The following REV3L variants were observed in gnomAD, a reference collection of about 807,000 sequenced individuals.
The protein encoded by REV3L is REV3 like, DNA directed polymerase zeta catalytic subunit.
A neutral mutation model predicts 299.4 loss-of-function variants in REV3L; 69 were observed. The observed-to-expected ratio is 0.23, with a 90% CI of 0.19 to 0.28. The LOEUF (loss-of-function observed/expected upper bound fraction) is 0.28, where lower values mean the gene tolerates loss of function less well. Ranked by LOEUF, REV3L falls within the 10% of genes least tolerant of loss-of-function variation. The pLI, the probability that REV3L is intolerant of heterozygous loss-of-function variation, is 1.00. For missense variants in REV3L, 3,128 were observed against 3,693.8 expected, an observed-to-expected ratio of 0.85 and a Z score of 3.97; for synonymous variants, 1,238 against 1,271.4, an observed-to-expected ratio of 0.97 and a Z score of 0.56.
chr6:111,420,409 TA>T (rs1333975925), intron 1 of REV3L, among the ~76,000 whole-genome samples: 1 of 152,168 alleles, frequency 6.6e-6, no homozygotes, highest in East Asian at 1.9e-4. Context: ...TTCAAGTATA[TA>T]ATACATTATC....
intron 21 of REV3L, among the ~76,000 whole-genome samples, chr6:111,336,431 T>C (rs1485400669): frequency 2.6e-5 from 4 of 152,124 alleles, no homozygotes; most frequent in Non-Finnish European, 4.4e-5. Context: ...TAAAGACCTT[T>C]TCCTCAGACA....
chr6:111,346,457 T>C (rs1411937354), intron 20 of REV3L, among the ~76,000 whole-genome samples: 1 of 152,216 alleles, frequency 6.6e-6, no homozygotes, highest in Non-Finnish European at 1.5e-5. Flanking sequence ...ATCTAGTACT[T>C]GTATATTAAA....
At position 111,468,758 on chromosome 6, in the gene REV3L, T is replaced by A. The variant is rs545463207; in HGVS notation, c.139+13992A>T. Among the ~76,000 whole-genome samples the A allele has an allele frequency of 3.3e-5, 5 of 152,302 alleles. No individual in the cohort carries two copies. The East Asian group carries it at 9.6e-4, about 29-fold the overall frequency. ...TAAAAATGTAGCATGTAAGATAATA[T>A]TTAGCCTGGTGTGGGCTGTTGGTCA... On this transcript the variant is annotated intron_variant, in intron 1 of 31. Coordinates refer to ENST00000368802, the MANE Select transcript of REV3L (RefSeq NM_001372078.1).
chr6:111,322,433 A>G, intron 26 of REV3L, 136 bp downstream of exon 26: 1 of 671,576 alleles, frequency 1.5e-6, no homozygotes, highest in African/African-American at 1.8e-5. Flanking sequence ...GTTAACTCTG[A>G]TCATGAGATC....
chr6:111,472,814 C>T (rs1792401696), intron 1 of REV3L, among the ~76,000 whole-genome samples: 1 of 152,094 alleles, frequency 6.6e-6, no homozygotes, highest in Admixed American at 6.5e-5. Context: ...AACACACACA[C>T]ACACCAAACA....
In REV3L at chr6:111,363,844, C is replaced by G. The variant is rs148917965; in HGVS notation, c.6879+9G>C. The G allele has an allele frequency of 6.2e-7, 1 of 1,611,696 alleles. No individual in the cohort carries two copies. The highest frequency in any genetic ancestry group is 1.7e-5 in the Admixed American group (1 of 59,792). ...CACAATGTATGTGTCCTTACTGTTG[C>G]AGTTTTACCTCATGTAAAGCTTTTG... On this transcript the variant is annotated intron_variant, in intron 16 of 31. Coordinates refer to ENST00000368802, the MANE Select transcript of REV3L (RefSeq NM_001372078.1).
intron 4 of REV3L, among the ~76,000 whole-genome samples, chr6:111,394,063 G>C (rs1782219206): frequency 6.6e-6 from 1 of 152,070 alleles, no homozygotes. Context: ...TCCGCATCTT[G>C]GCTATTATAA....
chr6:111,301,026 T>C (rs1771449544), intron 31 of REV3L, among the ~76,000 whole-genome samples: 2 of 152,210 alleles, frequency 1.3e-5, no homozygotes, highest in African/African-American at 4.8e-5. Context: ...CTGAATTCTT[T>C]TCTCAGCAAG....
chr6:111,362,595 T>C lies in REV3L; in HGVS notation c.6879+1258A>G, dbSNP rs1461412449. Among the ~76,000 whole-genome samples the C allele has an allele frequency of 2.0e-5, 3 of 152,130 alleles. No individual in the cohort carries two copies. In the East Asian group the frequency reaches 5.8e-4, roughly 29 times the overall value. On this transcript the variant is annotated intron_variant, in intron 16 of 31. Coordinates refer to ENST00000368802, the MANE Select transcript of REV3L (RefSeq NM_001372078.1). Reference sequence around the variant, plus strand: ...TTAATTTAAAAACACTTTGATCTGATCCAATATATTTAAAATATTATCCTT... The same window carrying C: ...TTAATTTAAAAACACTTTGATCTGACCCAATATATTTAAAATATTATCCTT...
In REV3L at chr6:111,431,057, C is replaced by T. The variant is rs530926228; in HGVS notation, c.140-14585G>A. On this transcript the variant is annotated intron_variant, in intron 1 of 31. Coordinates refer to ENST00000368802, the MANE Select transcript of REV3L (RefSeq NM_001372078.1). Reference sequence around the variant, plus strand: ...TATGGGCCCTACAGTTCTTATGCACCGCATTATGACTCCACATATGCAAAT... The same window carrying T: ...TATGGGCCCTACAGTTCTTATGCACTGCATTATGACTCCACATATGCAAAT... The T allele has an allele frequency of 3.2e-4, 480 of 1,512,896 alleles. 1 individual carries two copies. Among genetic ancestry groups the T allele is most frequent in the Non-Finnish European group, 3.4e-4 (374 of 1,092,046 alleles). 93.7% of individuals were successfully genotyped at this position (1,512,896 alleles called of 1,614,324 possible). A position where few individuals can be genotyped will look rare whatever the true frequency, so the allele number is the denominator to read the frequency against.
chr6:111,351,599 C>G, intron 19 of REV3L, 77 bp downstream of exon 19: 1 of 1,128,750 alleles, frequency 8.9e-7, no homozygotes, highest in South Asian at 1.4e-5. Context: ...AGCATAAGTA[C>G]TCTTTAACAT....
rs1176568133 is a variant in REV3L at position 111,430,448 on chromosome 6, G to C, written c.140-13976C>G. 2.0e-6 allele frequency: 3 copies of C among 1,532,314 alleles called. No homozygotes were observed. The East Asian group carries it at 6.8e-5, about 34-fold the overall frequency. 94.9% of individuals were successfully genotyped at this position (1,532,314 alleles called of 1,614,324 possible). A position where few individuals can be genotyped will look rare whatever the true frequency, so the allele number is the denominator to read the frequency against. On this transcript the variant is annotated intron_variant, in intron 1 of 31. Coordinates refer to ENST00000368802, the MANE Select transcript of REV3L (RefSeq NM_001372078.1). ...TCAAACTAATGTGTACTAATGCCAT[G>C]ATTTACAATAAACCAGAGACCATTT...
chr6:111,399,946 C>T (rs1782921030), intron 4 of REV3L, among the ~76,000 whole-genome samples: 1 of 152,196 alleles, frequency 6.6e-6, no homozygotes, highest in African/African-American at 2.4e-5. Context: ...TAAACCCTAA[C>T]AACTAATAGT....
intron 1 of REV3L, among the ~76,000 whole-genome samples, chr6:111,468,183 C>A (rs1394621743): frequency 6.6e-6 from 1 of 152,114 alleles, no homozygotes; most frequent in African/African-American, 2.4e-5. Flanking sequence ...TTAAAAAGTT[C>A]TCTACAAAAG....
At chr6:111,313,778 A>G (rs1314735774) in intron 27 of REV3L, among the ~76,000 whole-genome samples, 15 of 152,140 alleles carry the variant, frequency 9.9e-5, no homozygotes, top group Admixed American at 9.2e-4. Context: ...TCTGGTCTCA[A>G]CTTTATTTTT....
chr6:111,365,398 T>C, intron 14 of REV3L, 54 bp from the exon 15 acceptor site: 1 of 1,063,996 alleles, frequency 9.4e-7, no homozygotes. Flanking sequence ...CTGCTTCTGG[T>C]TTTTAAAAAA....
At chr6:111,319,842 T>TC (rs1773941560) in intron 26 of REV3L, among the ~76,000 whole-genome samples, 1 of 151,798 alleles carries the variant, frequency 6.6e-6, no homozygotes, top group Non-Finnish European at 1.5e-5. Flanking sequence ...TTTTTTTTTT[T>TC]CTCTGAGATG....
Position 111,329,581 on chromosome 6 carries a change from G to A in REV3L, c.8192C>T (p.Thr2731Ile), listed in dbSNP as rs1257353509. ...QLGLKLIANV[T>I]FGYTSANFSG... ...AAAATTAGCAGATGTATAGCCAAAT[G>A]TGACATTTGCTATCAGCTTAAGTCC... Residue 2731 changes from threonine (T) to isoleucine (I), a missense_variant, in exon 25 of 32, where the codon ACA (threonine) becomes ATA (isoleucine). By Grantham distance (89) the Thr-to-Ile change is moderately conservative. Around this residue, in one of 9 missense-constraint regions of REV3L, gnomAD observed 53 missense variants for 57.4 expected, o/e 0.92. Coordinates refer to ENST00000368802, the MANE Select transcript of REV3L (RefSeq NM_001372078.1). The A allele has an allele frequency of 5.6e-6, 9 of 1,614,004 alleles. No homozygotes were observed. Among genetic ancestry groups the A allele is most frequent in the East Asian group, 4.5e-5 (2 of 44,890 alleles).
intron 1 of REV3L, among the ~76,000 whole-genome samples, chr6:111,449,101 G>A (rs1400624825): frequency 6.6e-6 from 1 of 152,162 alleles, no homozygotes; most frequent in Non-Finnish European, 1.5e-5. Context: ...AGGGTTTTGA[G>A]TCAAGGTGAA....
Sources: allele counts gnomAD v4.1 joint callset (sites outside exome capture counted in the v4.1 genomes callset), GRCh38; gene constraint gnomAD v4.1.1; regional missense constraint gnomAD v4.1.1; transcripts MANE v1.5; gene names NCBI Gene and HGNC (gene_info 2026-07-23, HGNC 2026-07-21).